Variants in VPS45 observed in about 807,000 individuals in gnomAD.
VPS45 encodes the protein vacuolar protein sorting 45 homolog, also known as vacuolar protein sorting-associated protein 45.
Under a neutral mutation model 75.9 loss-of-function variants are expected in VPS45, and 35 were observed. That is an observed-to-expected ratio of 0.46 (90% CI 0.35 to 0.61). The LOEUF (loss-of-function observed/expected upper bound fraction) is 0.61, where lower values mean the gene tolerates loss of function less well. VPS45 is among the 20% of genes least tolerant of loss of function. VPS45 has a pLI of 0.00. For missense variants in VPS45, 559 were observed against 685.9 expected, an observed-to-expected ratio of 0.81 and a Z score of 2.07; for synonymous variants, 220 against 238.2, an observed-to-expected ratio of 0.92 and a Z score of 0.70.
chr1:150,091,813 G>A (rs1656337330), intron 10 of VPS45, 124 bp from the exon 11 acceptor site: 6 of 820,382 alleles, frequency 7.3e-6, no homozygotes, highest in Middle Eastern at 3.3e-4. Flanking sequence ...GTTGCTAAAT[G>A]TATGACTTAT....
intron 14 of VPS45, among the ~76,000 whole-genome samples, chr1:150,135,273 A>T (rs1362408160): frequency 6.6e-6 from 1 of 151,960 alleles, no homozygotes; most frequent in Non-Finnish European, 1.5e-5. Context: ...TTATTTATTT[A>T]TTTTTTATGA....
chr1:150,082,053 T>C (rs1456029154), intron 9 of VPS45, 56 bp downstream of exon 9: 1 of 1,121,468 alleles, frequency 8.9e-7, no homozygotes, highest in African/African-American at 1.6e-5. Context: ...ACTATTCATG[T>C]AAGCAACACT....
chr1:150,080,694 A>C (rs2101531808), intron 7 of VPS45, among the ~76,000 whole-genome samples: 2 of 152,308 alleles, frequency 1.3e-5, no homozygotes, highest in Middle Eastern at 3.4e-3. Context: ...ATTCTCCATA[A>C]TTGGTGAAAA....
intron 2 of VPS45, among the ~76,000 whole-genome samples, chr1:150,070,655 A>C (rs587774359): frequency 4.2e-4 from 63 of 150,640 alleles, no homozygotes; most frequent in South Asian, 1.0e-3. Flanking sequence ...AAAACAACAA[A>C]AAAATTAGCC....
At chr1:150,093,410 T>A in intron 12 of VPS45, 117 bp from the exon 13 acceptor site, 1 of 1,173,166 alleles carries the variant, frequency 8.5e-7, no homozygotes, top group Non-Finnish European at 1.2e-6. Flanking sequence ...CACAGTTACG[T>A]AAATCTATCC....
intron 12 of VPS45, 112 bp downstream of exon 12, chr1:150,092,521 C>T (rs1175103771): frequency 1.2e-6 from 1 of 840,744 alleles, no homozygotes; most frequent in Non-Finnish European, 1.8e-6. Context: ...TAATTTAGTA[C>T]TGTGTCAGTT....
intron 13 of VPS45, among the ~76,000 whole-genome samples, chr1:150,099,909 C>T (rs1656885807): frequency 6.6e-6 from 1 of 151,406 alleles, no homozygotes; most frequent in South Asian, 2.1e-4. Flanking sequence ...AAGCTGGAAG[C>T]ATTCCCCTTG....
chr1:150,103,160 CATTA>C (rs1657134691), intron 13 of VPS45, among the ~76,000 whole-genome samples: 1 of 151,836 alleles, frequency 6.6e-6, no homozygotes, highest in African/African-American at 2.4e-5. Flanking sequence ...TTGCTGTCTG[CATTA>C]ATTAATGCTT....
chr1:150,122,308 G>A (rs1439685132), intron 14 of VPS45, among the ~76,000 whole-genome samples: 1 of 152,092 alleles, frequency 6.6e-6, no homozygotes, highest in Admixed American at 6.6e-5. Flanking sequence ...GCGACAGAAA[G>A]AAGAGTGTGC....
Position 150,067,890 on chromosome 1 carries a change from T to C in VPS45, c.33T>C (p.Ile11=). 2.5e-6 allele frequency: 4 copies of C among 1,614,202 alleles called. No homozygotes were observed. The highest frequency in any genetic ancestry group is 3.4e-6 in the Non-Finnish European group (4 of 1,180,020). Residue 11 remains isoleucine (I), a synonymous_variant, in exon 1 of 15, where the codon ATT becomes ATC. Transcript: ENST00000644510. The stretch of plus-strand genomic sequence containing the variant: ...TGGTTTTTGCTGTGAAGCAGTACAT[T>C]TCCAAAATGATAGAGGACAGCGGGC... MNVVFAVKQY[I]SKMIEDSGPG... is the part of the protein sequence containing the mutation.
chr1:150,067,978 G>T (rs1553796213), intron 1 of VPS45, 28 bp downstream of exon 1: 1 of 1,598,996 alleles, frequency 6.3e-7, no homozygotes. Flanking sequence ...CAGCATTTGT[G>T]AAGGAACCCT....
intron 14 of VPS45, among the ~76,000 whole-genome samples, chr1:150,119,884 G>A (rs1369342019): frequency 6.6e-6 from 1 of 152,120 alleles, no homozygotes; most frequent in Non-Finnish European, 1.5e-5. Context: ...CGAGGCAGGC[G>A]GATCACCTGA....
chr1:150,077,236 G>A lies in VPS45; in HGVS notation c.576+5G>A. On this transcript the variant is annotated splice_donor_5th_base_variant and intron_variant, in intron 6 of 14. Transcript: ENST00000644510. ...AGACTTGCAGAGTGCGTTAAGGTAT[G>A]GCATTACCTATTCCTGGTTCCAAAA... 6.2e-7 allele frequency: 1 copy of A among 1,605,614 alleles called. No individual in the cohort carries two copies.
intron 13 of VPS45, among the ~76,000 whole-genome samples, chr1:150,104,438 A>G (rs587606168): frequency 1.3e-5 from 2 of 152,288 alleles, no homozygotes; most frequent in South Asian, 4.1e-4. Flanking sequence ...AGTTGGTTCC[A>G]TAGCTTTGCT....
At chr1:150,128,984 G>GACTCCCAA (rs1658671543) in intron 14 of VPS45, among the ~76,000 whole-genome samples, 1 of 151,952 alleles carries the variant, frequency 6.6e-6, no homozygotes, top group African/African-American at 2.4e-5. Context: ...CTCGTGATCT[G>GACTCCCAA]AGTGCTGGGA....
intron 13 of VPS45, chr1:150,098,988 T>C (rs1553803641): frequency 8.9e-7 from 1 of 1,121,674 alleles, no homozygotes; most frequent in East Asian, 7.5e-5. Flanking sequence ...TAGAATCTTG[T>C]TGCTACAGCT....
chr1:150,081,381 A>T lies in VPS45; in HGVS notation c.727A>T (p.Asn243Tyr). Residue 243 changes from asparagine (N) to tyrosine (Y), a missense_variant, in exon 8 of 15, where the codon AAC becomes TAC. Asn to Tyr is a moderately radical substitution (Grantham distance 143). Coordinates refer to ENST00000644510, the MANE Select transcript of VPS45 (RefSeq NM_007259.5). ...CATGGTCCACGAACTACTAGGCATAAACAACAATCGGATTGATCTTTCCAG... is the reference window on the plus strand; with the variant it reads ...CATGGTCCACGAACTACTAGGCATATACAACAATCGGATTGATCTTTCCAG... ...QAMVHELLGI[N>Y]NNRIDLSRVP... The T allele has an allele frequency of 6.2e-7, 1 of 1,608,662 alleles. No individual in the cohort carries two copies. Among genetic ancestry groups the T allele is most frequent in the Non-Finnish European group, 8.5e-7 (1 of 1,178,492 alleles).
At chr1:150,124,227 G>A (rs909555733) in intron 14 of VPS45, among the ~76,000 whole-genome samples, 2 of 152,086 alleles carry the variant, frequency 1.3e-5, no homozygotes, top group African/African-American at 4.8e-5. Flanking sequence ...TTGGGAGGCC[G>A]AGGCGGGTGG....
At chr1:150,090,238 C>T (rs1302056457) in intron 10 of VPS45, among the ~76,000 whole-genome samples, 12 of 152,208 alleles carry the variant, frequency 7.9e-5, no homozygotes, top group Non-Finnish European at 4.4e-5. Context: ...TGCTTTTGGT[C>T]TCTCACACTG....
Sources: gnomAD v4.1 joint callset for allele counts (sites outside exome capture counted in the v4.1 genomes callset) on GRCh38, gnomAD v4.1.1 for gene constraint, MANE v1.5 for transcripts, NCBI Gene and HGNC (gene_info 2026-07-23, HGNC 2026-07-21) for gene names.